The following GNB2 variants were observed in gnomAD, a reference collection of about 807,000 sequenced individuals.
The protein encoded by GNB2 is guanine nucleotide-binding protein G(I)/G(S)/G(T) subunit beta-2.
Under a neutral mutation model 40.7 loss-of-function variants are expected in GNB2, and 7 were observed. The ratio of observed to expected loss-of-function variants is 0.17; its 90% CI spans 0.10 to 0.32. The LOEUF (loss-of-function observed/expected upper bound fraction) is 0.32, where lower values mean the gene tolerates loss of function less well. Among genes scored for constraint, GNB2 ranks in the 10% least tolerant of loss-of-function variants. The pLI is 1.00. For synonymous variants in GNB2, 254 were observed against 191.2 expected (o/e 1.33, Z -2.71); for missense variants, 286 against 473.0 (o/e 0.60, Z 3.67).
chr7:100,674,235 C>G (rs1294392670), intron 1 of GNB2, among the ~76,000 whole-genome samples: 3 of 151,452 alleles, frequency 2.0e-5, no homozygotes, highest in Non-Finnish European at 4.4e-5. Flanking sequence ...TCCTCTAGGC[C>G]CCGCCCCGCC....
chr7:100,675,740 G>T lies in GNB2; in HGVS notation c.-89-437G>T, dbSNP rs190665903. 415 of 153,418 alleles carry T rather than the reference G, an allele frequency of 2.7e-3. 5 individuals carry two copies. Among genetic ancestry groups the T allele is most frequent in the African/African-American group, 9.3e-3 (386 of 41,594 alleles). The allele number at this position is 153,418 out of a possible 1,614,324, so 9.5% of individuals were successfully genotyped here. On this transcript the variant is annotated intron_variant, in intron 1 of 9. Coordinates refer to ENST00000303210, the MANE Select transcript of GNB2 (RefSeq NM_005273.4). ...CCCCCACCCGCCACCATCGAAGCTG[G>T]GGGTGTGTGTGGAGGGTGTGCGCCT...
chr7:100,673,841 G>GCCGCCGCCT lies in GNB2; in HGVS notation c.-164_-163insTCCGCCGCC, dbSNP rs1425986829. ...CGCCGCCGCCGCCGCCGCCGCCGCC[G>GCCGCCGCCT]CCGCCGCCGCCTCCGCCGCGGAGGA... On this transcript the variant is annotated 5_prime_UTR_variant, in exon 1 of 10. Coordinates refer to ENST00000303210, the MANE Select transcript of GNB2 (RefSeq NM_005273.4). 14 of 189,990 alleles carry GCCGCCGCCT rather than the reference G, an allele frequency of 7.4e-5. No individual in the cohort carries two copies. The South Asian group carries it at 1.5e-3, about 20-fold the overall frequency. The allele number at this position is 189,990 out of a possible 1,614,324, so 11.8% of individuals were successfully genotyped here.
intron 1 of GNB2, among the ~76,000 whole-genome samples, chr7:100,674,816 C>T (rs944685227): frequency 6.6e-6 from 1 of 152,236 alleles, no homozygotes; most frequent in African/African-American, 2.4e-5. Flanking sequence ...TCCTTCTGCC[C>T]TGGGCCTCCG....
At position 100,677,271 on chromosome 7, in the gene GNB2, T is replaced by C. The variant is rs1219343474; in HGVS notation, c.204-81T>C. On this transcript the variant is annotated intron_variant, in intron 4 of 9. Transcript: ENST00000303210. ...CAGCCTGCACAACAGAGAGAGACCC[T>C]ACCTTCTCCCACCCAAAGGGAAGGG... 5.4e-6 allele frequency: 6 copies of C among 1,117,886 alleles called. No individual in the cohort carries two copies. In the African/African-American group the frequency reaches 7.7e-5, roughly 14 times the overall value. 69.2% of individuals were successfully genotyped at this position (1,117,886 alleles called of 1,614,324 possible).
intron 1 of GNB2, among the ~76,000 whole-genome samples, chr7:100,674,162 G>T (rs1007120950): frequency 1.3e-5 from 2 of 151,504 alleles, no homozygotes; most frequent in African/African-American, 2.4e-5. Flanking sequence ...CCCGACCCCA[G>T]ACCCCAGCCC....
Position 100,678,088 on chromosome 7 carries a change from A to C in GNB2, c.498-10A>C. 1 of 1,602,562 alleles carries C rather than the reference A, an allele frequency of 6.2e-7. No homozygotes were observed. Among genetic ancestry groups the C allele is most frequent in the South Asian group, 1.1e-5 (1 of 90,798 alleles). On this transcript the variant is annotated splice_polypyrimidine_tract_variant and intron_variant, in intron 7 of 9. Coordinates refer to ENST00000303210, the MANE Select transcript of GNB2 (RefSeq NM_005273.4). ...CTCTTATCTTTTCTTTCTTCCTGTC[A>C]CCTCTCCAGTGCCCTGTGGGACATT...
chr7:100,678,056 G>A (rs769033152), intron 7 of GNB2, 42 bp from the exon 8 acceptor site: 21 of 1,493,318 alleles, frequency 1.4e-5, no homozygotes, highest in African/African-American at 5.5e-5. Context: ...TCTGTTCTTC[G>A]CCCTGTCTCT....
chr7:100,677,241 C>T (rs1413195911), intron 4 of GNB2, 111 bp from the exon 5 acceptor site: 3 of 795,716 alleles, frequency 3.8e-6, no homozygotes, highest in Non-Finnish European at 6.4e-6. Context: ...GGTGCCACTG[C>T]ACTCCAGCCT....
At chr7:100,676,671 C>T (rs373422953) in intron 3 of GNB2, 22 bp from the exon 4 acceptor site, 26 of 1,577,760 alleles carry the variant, frequency 1.6e-5, no homozygotes, top group African/African-American at 1.1e-4. Context: ...CCTCCCCGAG[C>T]GCATTCTGTC....
At position 100,676,204 on chromosome 7, in the gene GNB2, TC is replaced by T; in HGVS notation, c.-57del. 1 of 1,002,266 alleles carries T rather than the reference TC, an allele frequency of 1.0e-6. No homozygotes were observed. The highest frequency in any genetic ancestry group is 1.5e-6 in the Non-Finnish European group (1 of 668,164). The allele number at this position is 1,002,266 out of a possible 1,614,324, so 62.1% of individuals were successfully genotyped here. On this transcript the variant is annotated 5_prime_UTR_variant, in exon 2 of 10. Coordinates refer to ENST00000303210, the MANE Select transcript of GNB2 (RefSeq NM_005273.4). Reference sequence around the variant, plus strand: ...CTCGGGCCAGCGGCCAGGAGCTGCCTCCCCCAGCCCCCGTCCCGCGGCCCCC... The same window carrying T: ...CTCGGGCCAGCGGCCAGGAGCTGCCTCCCCAGCCCCCGTCCCGCGGCCCCC...
rs1804356229 is a variant in GNB2, at chr7:100,676,685, A to G, written c.97-8A>G. 6.2e-7 allele frequency: 1 copy of G among 1,602,586 alleles called. No homozygotes were observed. Among genetic ancestry groups the G allele is most frequent in the Non-Finnish European group, 8.5e-7 (1 of 1,169,944 alleles). On this transcript the variant is annotated splice_polypyrimidine_tract_variant and splice_region_variant and intron_variant, in intron 3 of 9. Transcript: ENST00000303210. ...GCCTCCCCGAGCGCATTCTGTCTCT[A>G]CCTCCAGATCACAGCTGGGCTGGAC... is the stretch of plus-strand genomic sequence containing the variant.
At position 100,677,647 on chromosome 7, in the gene GNB2, G is replaced by A; in HGVS notation, c.417G>A (p.Leu139=). 6.2e-7 allele frequency: 1 copy of A among 1,613,442 alleles called. No homozygotes were observed. The highest frequency in any genetic ancestry group is 8.5e-7 in the Non-Finnish European group (1 of 1,179,986). The part of the protein sequence containing the change: ...REGNVRVSRE[L]PGHTGYLSCC... ...GCAACGTCAGGGTCAGCCGGGAGCT[G>A]CCTGGCCACACTGGTGAGGGGCCTG... Residue 139 remains leucine (L), a synonymous_variant, in exon 6 of 10, where the codon CTG becomes CTA. Coordinates refer to ENST00000303210, the MANE Select transcript of GNB2 (RefSeq NM_005273.4).
chr7:100,676,761 G>A lies in GNB2; in HGVS notation c.165G>A (p.Leu55=), dbSNP rs768648709. The change falls in exon 4 of 10, where the codon CTG becomes CTA. Residue 55 remains leucine, a synonymous_variant. Transcript: ENST00000303210. ...CCCGGAGGACCCTCCGTGGGCACCT[G>A]GCAAAGATCTATGCCATGCACTGGG... is the stretch of plus-strand genomic sequence containing the variant. The part of the protein sequence containing the change: ...MRTRRTLRGH[L]AKIYAMHWGT... 7 of 1,601,656 alleles carry A rather than the reference G, an allele frequency of 4.4e-6. No individual in the cohort carries two copies. In the South Asian group the frequency reaches 5.6e-5, roughly 13 times the overall value.
intron 1 of GNB2, chr7:100,675,877 C>G (rs183323425): frequency 1.6e-4 from 36 of 223,794 alleles, no homozygotes; most frequent in African/African-American, 8.1e-4. Flanking sequence ...ACACCCCCGC[C>G]CCCCCCGCCC....
chr7:100,673,879 C>CCGCGCACCGCCAGCGA lies in GNB2; in HGVS notation c.-132_-117dup, dbSNP rs1237976317. The CCGCGCACCGCCAGCGA allele has an allele frequency of 2.7e-5, 5 of 183,434 alleles. No homozygotes were observed. Among genetic ancestry groups the CCGCGCACCGCCAGCGA allele is most frequent in the African/African-American group, 1.2e-4 (5 of 41,730 alleles). The allele number at this position is 183,434 out of a possible 1,614,324, so 11.4% of individuals were successfully genotyped here. ...CCGCCGCGGAGGAAGACAGCGCCGC[C>CCGCGCACCGCCAGCGA]CGCGCACCGCCAGCGACCTCCGCCG... On this transcript the variant is annotated 5_prime_UTR_variant, in exon 1 of 10. Transcript: ENST00000303210.
At position 100,676,167 on chromosome 7, in the gene GNB2, C is replaced by T; in HGVS notation, c.-89-10C>T. 1.5e-6 allele frequency: 1 copy of T among 686,658 alleles called. No homozygotes were observed. Among genetic ancestry groups the T allele is most frequent in the Non-Finnish European group, 2.5e-6 (1 of 404,718 alleles). The allele number at this position is 686,658 out of a possible 1,614,324, so 42.5% of individuals were successfully genotyped here. ...GGCCTCGGGCCTGACGTCAGCCCTG[C>T]ATCCCCCAGGCCTCGGGCCAGCGGC... On this transcript the variant is annotated splice_polypyrimidine_tract_variant and intron_variant, in intron 1 of 9. Coordinates refer to ENST00000303210, the MANE Select transcript of GNB2 (RefSeq NM_005273.4).
Position 100,677,340 on chromosome 7 carries a change from G to T in GNB2, c.204-12G>T, listed in dbSNP as rs766084389. 3.0e-5 allele frequency: 49 copies of T among 1,611,664 alleles called. 1 individual carries two copies. The South Asian group carries it at 5.3e-4, about 17-fold the overall frequency. ...GCCACCCTTCTGCTCTCCCTACACC[G>T]TTCCCCACCAGGCTGCTGGTCAGCG... On this transcript the variant is annotated splice_polypyrimidine_tract_variant and intron_variant, in intron 4 of 9. Coordinates refer to ENST00000303210, the MANE Select transcript of GNB2 (RefSeq NM_005273.4).
chr7:100,675,093 C>G (rs1445254219), intron 1 of GNB2, among the ~76,000 whole-genome samples: 1 of 151,422 alleles, frequency 6.6e-6, no homozygotes, highest in Non-Finnish European at 1.5e-5. Flanking sequence ...ACAGGTGTCC[C>G]GCGGGCGGGG....
rs950876939 is a variant in GNB2, at chr7:100,679,057, G to C, written c.*256G>C. 11 of 462,610 alleles carry C rather than the reference G, an allele frequency of 2.4e-5. No homozygotes were observed. Among genetic ancestry groups the C allele is most frequent in the South Asian group, 1.4e-4 (3 of 20,980 alleles). 28.7% of individuals were successfully genotyped at this position (462,610 alleles called of 1,614,324 possible). A position where few individuals can be genotyped will look rare whatever the true frequency, so the allele number is the denominator to read the frequency against. On this transcript the variant is annotated 3_prime_UTR_variant, in exon 10 of 10. Transcript: ENST00000303210. ...GGGGTTGGGGCCTCACCCCTCTGGAGGGCCGGAGGCAGGAGGTGGAAACCC... is the reference window on the plus strand; with the variant it reads ...GGGGTTGGGGCCTCACCCCTCTGGACGGCCGGAGGCAGGAGGTGGAAACCC...
Sources: allele counts gnomAD v4.1 joint callset (sites outside exome capture counted in the v4.1 genomes callset), GRCh38; gene constraint gnomAD v4.1.1; transcripts MANE v1.5; gene names NCBI Gene and HGNC (gene_info 2026-07-23, HGNC 2026-07-21).